CATSPER3: variants seen among roughly 807,000 people sequenced by gnomAD.
CATSPER3 encodes the protein cation channel sperm associated 3.
In CATSPER3, 23 loss-of-function variants were observed where a neutral mutation model predicts 36.6. That is an observed-to-expected ratio of 0.63 (90% CI 0.45 to 0.89). CATSPER3 has a LOEUF of 0.89. Ranked by LOEUF, CATSPER3 falls within the 40% of genes least tolerant of loss-of-function variation. CATSPER3 has a pLI of 0.00. For missense variants in CATSPER3, 474 were observed against 503.9 expected (o/e 0.94, Z 0.57); for synonymous variants, 172 against 184.1 (o/e 0.93, Z 0.53).
intron 2 of CATSPER3, among the ~76,000 whole-genome samples, chr5:134,991,750 C>T (rs1324193685): frequency 1.3e-5 from 2 of 152,124 alleles, no homozygotes; most frequent in Non-Finnish European, 2.9e-5. Flanking sequence ...TTACACATGA[C>T]ATTAAGAGTA....
At chr5:134,988,841 A>G (rs1486758730) in intron 2 of CATSPER3, among the ~76,000 whole-genome samples, 1 of 152,052 alleles carries the variant, frequency 6.6e-6, no homozygotes, top group Non-Finnish European at 1.5e-5. Flanking sequence ...GGCATCTAGG[A>G]TGGTGAATTC....
At position 135,008,139 on chromosome 5, in the gene CATSPER3, G is replaced by C. The variant is rs774873439; in HGVS notation, c.675G>C (p.Thr225=). 4 of 1,613,490 alleles carry C rather than the reference G, an allele frequency of 2.5e-6. No homozygotes were observed. The South Asian group carries it at 4.4e-5, about 18-fold the overall frequency. Residue 225 remains threonine (T), a splice_region_variant and synonymous_variant, in exon 4 of 8, where the codon ACG becomes ACC. Coordinates refer to ENST00000282611, the MANE Select transcript of CATSPER3 (RefSeq NM_178019.3). ...AAFFTLFSLA[T]VDGWTDLQKQ... ...TTTTCACCCTCTTCAGCTTGGCCACGGTACTGTGTTTGGGAACAGTGGTGA... is the reference window on the plus strand; with the variant it reads ...TTTTCACCCTCTTCAGCTTGGCCACCGTACTGTGTTTGGGAACAGTGGTGA...
Position 135,010,549 on chromosome 5 carries a change from CT to C in CATSPER3, c.1094+21del. 6.2e-7 allele frequency: 1 copy of C among 1,612,270 alleles called. No homozygotes were observed. Among genetic ancestry groups the C allele is most frequent in the Non-Finnish European group, 8.5e-7 (1 of 1,178,344 alleles). On this transcript the variant is annotated intron_variant, in intron 7 of 7. Transcript: ENST00000282611. Reference sequence around the variant, plus strand: ...TCCACAAGTCAGTTCCAGCCCCAGCCTTCCCTGGTCCCTAGGGCTTCCTCGA... The same window carrying C: ...TCCACAAGTCAGTTCCAGCCCCAGCCTCCCTGGTCCCTAGGGCTTCCTCGA...
chr5:135,007,816 A>ACC, intron 3 of CATSPER3, 141 bp from the exon 4 acceptor site: 1 of 94,044 alleles, frequency 1.1e-5, no homozygotes, highest in Non-Finnish European at 2.0e-5. Flanking sequence ...CCACCCACCC[A>ACC]CCCTTATTGA....
Position 134,975,535 on chromosome 5 carries a change from C to T in CATSPER3, c.252+5443C>T, listed in dbSNP as rs571253779. ...GTCTGAGGTAAGAGGATTGCTTGAG[C>T]TCAGGAGGTCAAGGCTGTAGTGAGC... On this transcript the variant is annotated intron_variant, in intron 2 of 7. Coordinates refer to ENST00000282611, the MANE Select transcript of CATSPER3 (RefSeq NM_178019.3). 6.6e-5 allele frequency among the ~76,000 whole-genome samples: 10 copies of T among 152,294 alleles called. No individual in the cohort carries two copies. In the South Asian group the frequency reaches 2.1e-3, roughly 32 times the overall value.
At chr5:134,992,135 A>G (rs1478272551) in intron 2 of CATSPER3, among the ~76,000 whole-genome samples, 1 of 152,058 alleles carries the variant, frequency 6.6e-6, no homozygotes, top group Non-Finnish European at 1.5e-5. Context: ...AAAAAAAAAA[A>G]GTGAAAAGAC....
intron 2 of CATSPER3, among the ~76,000 whole-genome samples, chr5:134,983,116 A>T (rs1467362425): frequency 6.6e-6 from 1 of 152,228 alleles, no homozygotes; most frequent in African/African-American, 2.4e-5. Flanking sequence ...TCAGGTATAT[A>T]TGCAAAAAGG....
At chr5:134,980,618 A>C (rs1561458688) in intron 2 of CATSPER3, among the ~76,000 whole-genome samples, 1 of 151,570 alleles carries the variant, frequency 6.6e-6, no homozygotes, top group Non-Finnish European at 1.5e-5. Flanking sequence ...TTTAGTAGAC[A>C]TGGGGTTTCA....
chr5:134,968,684 C>CT (rs1408780941), intron 1 of CATSPER3: 1 of 147,548 alleles, frequency 6.8e-6, no homozygotes, highest in Non-Finnish European at 1.5e-5. Flanking sequence ...GAACGAGACT[C>CT]TGTCTCAGAA....
intron 2 of CATSPER3, among the ~76,000 whole-genome samples, chr5:134,972,722 A>G (rs1342697991): frequency 6.6e-6 from 1 of 152,202 alleles, no homozygotes; most frequent in Non-Finnish European, 1.5e-5. Context: ...GAACAGAACA[A>G]ATGCTAAAGT....
chr5:134,995,935 G>C, intron 2 of CATSPER3: 1 of 387,066 alleles, frequency 2.6e-6, no homozygotes, highest in Non-Finnish European at 4.9e-6. Context: ...ATTCATGTTG[G>C]TCAGAAAACT....
intron 5 of CATSPER3, 70 bp downstream of exon 5, chr5:135,009,051 A>G: frequency 6.2e-7 from 1 of 1,604,222 alleles, no homozygotes; most frequent in East Asian, 2.2e-5. Flanking sequence ...GCAAGTCTCC[A>G]GGGAGGACCT....
chr5:135,006,140 T>C (rs1752083640), intron 3 of CATSPER3, among the ~76,000 whole-genome samples: 1 of 152,194 alleles, frequency 6.6e-6, no homozygotes, highest in Non-Finnish European at 1.5e-5. Flanking sequence ...TGGGCAACCC[T>C]CTCCTAGGAC....
chr5:134,995,894 G>A, intron 2 of CATSPER3: 1 of 322,918 alleles, frequency 3.1e-6, no homozygotes, highest in South Asian at 3.2e-5. Context: ...AGATATCTGA[G>A]TATTTCATCT....
At chr5:134,982,632 C>A (rs1002067991) in intron 2 of CATSPER3, among the ~76,000 whole-genome samples, 10 of 152,136 alleles carry the variant, frequency 6.6e-5, no homozygotes, top group Admixed American at 1.3e-4. Context: ...GAAATAAAGA[C>A]TTCCAGATAA....
At chr5:134,983,485 A>G (rs549869534) in intron 2 of CATSPER3, among the ~76,000 whole-genome samples, 9 of 152,264 alleles carry the variant, frequency 5.9e-5, no homozygotes, top group African/African-American at 2.2e-4. Context: ...AGTGAGCTGA[A>G]ATTGCACCAC....
rs1270504719 is a variant in CATSPER3, at chr5:135,008,826, T to C, written c.676-15T>C. 6.2e-7 allele frequency: 1 copy of C among 1,613,896 alleles called. No individual in the cohort carries two copies. Reference sequence around the variant, plus strand: ...TGGGTCTGGGCCCTCAGCATACTCTTCCCTGCCTGAGCAGGTTGATGGCTG... The same window carrying C: ...TGGGTCTGGGCCCTCAGCATACTCTCCCCTGCCTGAGCAGGTTGATGGCTG... On this transcript the variant is annotated splice_polypyrimidine_tract_variant and intron_variant, in intron 4 of 7. Coordinates refer to ENST00000282611, the MANE Select transcript of CATSPER3 (RefSeq NM_178019.3).
At chr5:134,975,794 A>G (rs1751666035) in intron 2 of CATSPER3, among the ~76,000 whole-genome samples, 1 of 152,236 alleles carries the variant, frequency 6.6e-6, no homozygotes, top group African/African-American at 2.4e-5. Context: ...AGAAAATGAA[A>G]TCTGTATATT....
chr5:135,011,647 C>A lies in CATSPER3; in HGVS notation c.*24C>A. Reference sequence around the variant, plus strand: ...AGCTGGGCATGGGGCACCCATGTGCCGAGAGCCTTGCAGACCATGACAGGT... The same window carrying A: ...AGCTGGGCATGGGGCACCCATGTGCAGAGAGCCTTGCAGACCATGACAGGT... On this transcript the variant is annotated 3_prime_UTR_variant, in exon 8 of 8. Transcript: ENST00000282611. 6.5e-7 allele frequency: 1 copy of A among 1,529,822 alleles called. No homozygotes were observed. Among genetic ancestry groups the A allele is most frequent in the South Asian group, 1.1e-5 (1 of 88,434 alleles). The allele number at this position is 1,529,822 out of a possible 1,614,324, so 94.8% of individuals were successfully genotyped here.
Sources: gnomAD v4.1 joint callset for allele counts (sites outside exome capture counted in the v4.1 genomes callset) on GRCh38, gnomAD v4.1.1 for gene constraint, MANE v1.5 for transcripts, NCBI Gene and HGNC (gene_info 2026-07-23, HGNC 2026-07-21) for gene names.